The following ERBB4 variants were observed in gnomAD, a reference collection of about 807,000 sequenced individuals.
ERBB4 encodes erb-b2 receptor tyrosine kinase 4, also known as receptor tyrosine-protein kinase erbB-4.
In ERBB4, 42 loss-of-function variants were observed where a neutral mutation model predicts 158.0. That is an observed-to-expected ratio of 0.27 (90% CI 0.21 to 0.34). The LOEUF is 0.34. ERBB4 is among the 10% of genes least tolerant of loss of function. The probability of loss-of-function intolerance (pLI) is 1.00; values close to 1 mark genes in which losing one functional copy is unlikely to be tolerated. For synonymous variants in ERBB4, 583 were observed against 558.7 expected (o/e 1.04, Z -0.61); for missense variants, 1,333 against 1,624.1 (o/e 0.82, Z 3.08).
chr2:211,413,309 A>AAAAAAAAAAAAAAAC (rs1553524037), intron 25 of ERBB4, among the ~76,000 whole-genome samples: 10 of 94,564 alleles, frequency 1.1e-4, no homozygotes, highest in African/African-American at 3.1e-4. Context: ...CTGTCTTAAA[A>AAAAAAAAAAAAAAAC]ACACACACAC....
At chr2:212,380,170 T>C (rs1185036555) in intron 1 of ERBB4, among the ~76,000 whole-genome samples, 1 of 151,224 alleles carries the variant, frequency 6.6e-6, no homozygotes, top group African/African-American at 2.4e-5. Flanking sequence ...ATCCATGGGT[T>C]CCACATCTGT....
chr2:211,670,518 G>A (rs771470678), intron 14 of ERBB4, among the ~76,000 whole-genome samples: 1 of 152,116 alleles, frequency 6.6e-6, no homozygotes, highest in Non-Finnish European at 1.5e-5. Context: ...ATTAATGAAT[G>A]AGTTATTCAC....
intron 1 of ERBB4, among the ~76,000 whole-genome samples, chr2:212,228,683 C>A (rs962895199): frequency 6.6e-6 from 1 of 152,118 alleles, no homozygotes; most frequent in African/African-American, 2.4e-5. Flanking sequence ...GTAAACCCCA[C>A]CTTGCTGCTA....
At chr2:211,678,181 C>T (rs1046780835) in intron 13 of ERBB4, among the ~76,000 whole-genome samples, 7 of 151,764 alleles carry the variant, frequency 4.6e-5, no homozygotes, top group African/African-American at 1.7e-4. Context: ...ACTTTCAAAA[C>T]CACTTCAAAT....
chr2:212,407,623 T>C (rs2091384216), intron 1 of ERBB4, among the ~76,000 whole-genome samples: 1 of 152,114 alleles, frequency 6.6e-6, no homozygotes, highest in East Asian at 1.9e-4. Context: ...TTCAAGAGTA[T>C]GTGTAATATA....
chr2:212,477,810 G>A (rs1223905818), intron 1 of ERBB4, among the ~76,000 whole-genome samples: 3 of 152,070 alleles, frequency 2.0e-5, no homozygotes, highest in Admixed American at 2.0e-4. Context: ...CATATGGATA[G>A]GCCAGATTGC....
chr2:211,915,500 T>C (rs890509760), intron 3 of ERBB4, among the ~76,000 whole-genome samples: 1 of 151,430 alleles, frequency 6.6e-6, no homozygotes, highest in Admixed American at 6.6e-5. Flanking sequence ...CTTTCTTTCA[T>C]GAAATCCACA....
At chr2:211,527,001 C>G (rs1368823215) in intron 20 of ERBB4, among the ~76,000 whole-genome samples, 1 of 151,794 alleles carries the variant, frequency 6.6e-6, no homozygotes, top group East Asian at 1.9e-4. Context: ...AATGAGGAGA[C>G]AGAGAAAAAA....
intron 20 of ERBB4, among the ~76,000 whole-genome samples, chr2:211,447,869 C>G (rs1475827717): frequency 6.6e-6 from 1 of 152,164 alleles, no homozygotes; most frequent in Admixed American, 6.5e-5. Flanking sequence ...AAATCAAAGT[C>G]TGTACAAAAC....
chr2:212,528,546 T>G (rs1338408216), intron 1 of ERBB4, among the ~76,000 whole-genome samples: 1 of 152,122 alleles, frequency 6.6e-6, no homozygotes, highest in Non-Finnish European at 1.5e-5. Context: ...GTTTCTAATA[T>G]CTCCATTCCC....
intron 1 of ERBB4, among the ~76,000 whole-genome samples, chr2:212,131,882 G>T (rs2080117209): frequency 6.6e-6 from 1 of 152,190 alleles, no homozygotes; most frequent in Non-Finnish European, 1.5e-5. Context: ...AAGGCAAAGG[G>T]AGTATGAAAT....
At chr2:211,545,472 A>G (rs180899207) in intron 20 of ERBB4, among the ~76,000 whole-genome samples, 1 of 152,234 alleles carries the variant, frequency 6.6e-6, no homozygotes, top group East Asian at 1.9e-4. Flanking sequence ...TCATTTTAGT[A>G]GAATAACTTC....
intron 1 of ERBB4, among the ~76,000 whole-genome samples, chr2:212,449,350 A>T (rs2092412067): frequency 6.6e-6 from 1 of 152,180 alleles, no homozygotes; most frequent in Non-Finnish European, 1.5e-5. Context: ...TGGTAGGAAG[A>T]GGTACAAAAT....
chr2:212,062,490 C>T (rs2077809985), intron 2 of ERBB4, among the ~76,000 whole-genome samples: 2 of 145,948 alleles, frequency 1.4e-5, no homozygotes, highest in African/African-American at 5.1e-5. Flanking sequence ...TCACTGCAAT[C>T]TCCAGCTCCC....
At chr2:211,456,194 C>T (rs761948308) in intron 20 of ERBB4, among the ~76,000 whole-genome samples, 43 of 152,258 alleles carry the variant, frequency 2.8e-4, no homozygotes, top group Middle Eastern at 3.4e-3. Flanking sequence ...AACTACCTCA[C>T]AGATTTGAAG....
At chr2:212,362,567 C>A (rs540381646) in intron 1 of ERBB4, among the ~76,000 whole-genome samples, 2 of 150,604 alleles carry the variant, frequency 1.3e-5, no homozygotes, top group Non-Finnish European at 3.0e-5. Context: ...TGCTTAGATG[C>A]TGATGGGTTA....
chr2:212,187,595 T>C (rs555064514), intron 1 of ERBB4, among the ~76,000 whole-genome samples: 23 of 152,230 alleles, frequency 1.5e-4, no homozygotes, highest in African/African-American at 5.5e-4. Context: ...AATATCAGTC[T>C]TAAATATCAA....
At chr2:211,931,809 G>A (rs1305253029) in intron 3 of ERBB4, among the ~76,000 whole-genome samples, 1 of 151,874 alleles carries the variant, frequency 6.6e-6, no homozygotes, top group Non-Finnish European at 1.5e-5. Flanking sequence ...ACATAGATGT[G>A]GCAAGGATTA....
At chr2:211,726,924 A>G (rs1017518185) in intron 5 of ERBB4, among the ~76,000 whole-genome samples, 13 of 152,186 alleles carry the variant, frequency 8.5e-5, no homozygotes, top group African/African-American at 2.7e-4. Flanking sequence ...ACGTCCAGCC[A>G]GATAGAAACA....
Sources: gnomAD v4.1 joint callset for allele counts (sites outside exome capture counted in the v4.1 genomes callset) on GRCh38, gnomAD v4.1.1 for gene constraint, MANE v1.5 for transcripts, NCBI Gene and HGNC (gene_info 2026-07-23, HGNC 2026-07-21) for gene names.